Variants in LCOR observed in about 807,000 individuals in gnomAD.
LCOR encodes ligand dependent nuclear receptor corepressor.
Under a neutral mutation model 64.4 loss-of-function variants are expected in LCOR, and 14 were observed. The ratio of observed to expected loss-of-function variants is 0.22; its 90% CI spans 0.14 to 0.34. The LOEUF (loss-of-function observed/expected upper bound fraction) is 0.34, where lower values mean the gene tolerates loss of function less well. Ranked by LOEUF, LCOR falls within the 10% of genes least tolerant of loss-of-function variation. The pLI is 1.00. For synonymous variants in LCOR, 643 were observed against 642.5 expected, an observed-to-expected ratio of 1.00 and a Z score of -0.01; for missense variants, 1,686 against 1,765.3, an observed-to-expected ratio of 0.96 and a Z score of 0.80.
At chr10:96,855,691 C>T (rs1020874714) in intron 2 of LCOR, among the ~76,000 whole-genome samples, 1 of 152,082 alleles carries the variant, frequency 6.6e-6, no homozygotes, top group African/African-American at 2.4e-5. Context: ...CTGCCTCGGC[C>T]TCCCAAAGTG....
intron 7 of LCOR, chr10:96,959,988 T>C (rs1319116925): frequency 6.6e-6 from 1 of 152,202 alleles, no homozygotes; most frequent in East Asian, 1.9e-4. Context: ...CCAATTGGCA[T>C]TTCTTTTCCC....
At chr10:96,980,584 C>T (rs542439893) in intron 7 of LCOR, among the ~76,000 whole-genome samples, 1 of 152,256 alleles carries the variant, frequency 6.6e-6, no homozygotes, top group East Asian at 1.9e-4. Flanking sequence ...AGGTGGCTTA[C>T]ACCTGTAATC....
At chr10:96,980,224 A>C (rs1848072535) in intron 7 of LCOR, among the ~76,000 whole-genome samples, 1 of 152,162 alleles carries the variant, frequency 6.6e-6, no homozygotes, top group Non-Finnish European at 1.5e-5. Flanking sequence ...ACTGTAGTGC[A>C]CCTCAATTCT....
Position 96,956,045 on chromosome 10 carries a change from T to A in LCOR, c.332+3849T>A, listed in dbSNP as rs1847767631. Reference sequence around the variant, plus strand: ...ACTTGCTTCTTTGCAGATTTTGCATTGACTTGTGTGTACAGAGATGAAATG... The same window carrying A: ...ACTTGCTTCTTTGCAGATTTTGCATAGACTTGTGTGTACAGAGATGAAATG... On this transcript the variant is annotated intron_variant, in intron 7 of 7. Transcript: ENST00000421806. The A allele has an allele frequency of 2.0e-6, 3 of 1,473,046 alleles. No individual in the cohort carries two copies. In the East Asian group the frequency reaches 7.3e-5, roughly 36 times the overall value. The allele number at this position is 1,473,046 out of a possible 1,614,324, so 91.2% of individuals were successfully genotyped here.
chr10:96,976,165 T>G (rs1848038909), intron 7 of LCOR, among the ~76,000 whole-genome samples: 1 of 152,194 alleles, frequency 6.6e-6, no homozygotes, highest in South Asian at 2.1e-4. Flanking sequence ...CTGATCCTTT[T>G]TATGAGGAAA....
At chr10:96,844,643 T>A (rs1845596769) in intron 2 of LCOR, among the ~76,000 whole-genome samples, 1 of 152,194 alleles carries the variant, frequency 6.6e-6, no homozygotes, top group Non-Finnish European at 1.5e-5. Flanking sequence ...TAAATGAGTT[T>A]CTGAGCTGAA....
intron 7 of LCOR, among the ~76,000 whole-genome samples, chr10:96,969,356 G>A (rs768131820): frequency 9.2e-5 from 14 of 152,184 alleles, no homozygotes; most frequent in Non-Finnish European, 1.5e-4. Flanking sequence ...TCATGGTACT[G>A]TTTTAGGGGA....
chr10:96,980,900 G>A lies in LCOR; in HGVS notation c.440G>A (p.Arg147His), dbSNP rs1332675175. ...ACTCATCATCAAAAGCAATTCATTCGTGTTCTGAACGACCTGTACACTGAA... is the reference window on the plus strand; with the variant it reads ...ACTCATCATCAAAAGCAATTCATTCATGTTCTGAACGACCTGTACACTGAA... Reference protein sequence around the residue: ...LCTHHQKQFIRVLNDLYTESQ... With the variant: ...LCTHHQKQFIHVLNDLYTESQ... The change falls in exon 8 of 8, where the codon CGT becomes CAT. Residue 147 changes from arginine to histidine, a missense_variant. Arg to His is a conservative substitution (Grantham distance 29). Transcript: ENST00000421806. 1.4e-6 allele frequency: 1 copy of A among 702,838 alleles called. No homozygotes were observed. Among genetic ancestry groups the A allele is most frequent in the Non-Finnish European group, 2.6e-6 (1 of 384,998 alleles). The allele number at this position is 702,838 out of a possible 1,614,324, so 43.5% of individuals were successfully genotyped here. A position where few individuals can be genotyped will look rare whatever the true frequency, so the allele number is the denominator to read the frequency against.
At chr10:96,933,901 A>G (rs1201902962) in intron 4 of LCOR, among the ~76,000 whole-genome samples, 1 of 152,250 alleles carries the variant, frequency 6.6e-6, no homozygotes, top group Non-Finnish European at 1.5e-5. Flanking sequence ...AGTTCATGAA[A>G]TAATTCACTT....
At chr10:96,913,656 C>T (rs1846885379) in intron 4 of LCOR, among the ~76,000 whole-genome samples, 1 of 152,174 alleles carries the variant, frequency 6.6e-6, no homozygotes, top group South Asian at 2.1e-4. Flanking sequence ...TGCAGTGGCT[C>T]ACACCTGTAA....
chr10:96,851,596 A>G (rs957876104), intron 2 of LCOR, among the ~76,000 whole-genome samples: 10 of 152,190 alleles, frequency 6.6e-5, no homozygotes, highest in Non-Finnish European at 1.5e-4. Flanking sequence ...TTGAAGAAAG[A>G]CTTCTAAGAC....
At chr10:96,921,628 A>G (rs1334842667) in intron 4 of LCOR, among the ~76,000 whole-genome samples, 6 of 151,932 alleles carry the variant, frequency 3.9e-5, no homozygotes, top group African/African-American at 1.5e-4. Flanking sequence ...CACCTGGCTA[A>G]TTTTTTTGTA....
intron 1 of LCOR, 186 bp from the exon 2 acceptor site, chr10:96,833,220 G>A: frequency 3.1e-6 from 3 of 982,230 alleles, no homozygotes; most frequent in South Asian, 9.4e-5. Context: ...CCCTCCCGGG[G>A]ATTGGCCGGA....
rs1564645723 is a variant in LCOR at position 96,982,110 on chromosome 10, C to T, written c.1650C>T (p.Ala550=). ...CTAAGCAGACCCTTACAATTCCAGCCCCTAGACATACAGTAGATGTGCAGC... is the reference window on the plus strand; with the variant it reads ...CTAAGCAGACCCTTACAATTCCAGCTCCTAGACATACAGTAGATGTGCAGC... ...FTPKQTLTIP[A]PRHTVDVQLP... is the part of the protein sequence containing the mutation. Residue 550 remains alanine, a synonymous_variant, in exon 8 of 8, where the codon GCC becomes GCT. Transcript: ENST00000421806. The T allele has an allele frequency of 3.1e-6, 5 of 1,614,172 alleles. No individual in the cohort carries two copies. Among genetic ancestry groups the T allele is most frequent in the South Asian group, 1.1e-5 (1 of 91,084 alleles).
At chr10:96,838,363 C>A (rs1057435135) in intron 2 of LCOR, among the ~76,000 whole-genome samples, 4 of 152,140 alleles carry the variant, frequency 2.6e-5, no homozygotes, top group African/African-American at 9.7e-5. Context: ...CTCAAGTGAT[C>A]CTCCTGCCTC....
At chr10:96,906,054 T>C (rs1846721177) in intron 2 of LCOR, among the ~76,000 whole-genome samples, 1 of 152,204 alleles carries the variant, frequency 6.6e-6, no homozygotes, top group Non-Finnish European at 1.5e-5. Flanking sequence ...CAAAAATTGA[T>C]ACATGTGAGG....
intron 6 of LCOR, 102 bp downstream of exon 6, chr10:96,949,397 A>AT (rs1847640181): frequency 1.0e-6 from 1 of 1,003,754 alleles, no homozygotes; most frequent in Non-Finnish European, 1.5e-6. Context: ...CAATAATAGC[A>AT]TAAAAACTAA....
chr10:96,845,689 G>A (rs1039106290), intron 2 of LCOR, among the ~76,000 whole-genome samples: 1 of 150,354 alleles, frequency 6.7e-6, no homozygotes, highest in African/African-American at 2.4e-5. Context: ...GGATGATGTC[G>A]ATCTCCTGAC....
At chr10:96,869,593 T>G (rs944283579) in intron 2 of LCOR, among the ~76,000 whole-genome samples, 1 of 151,444 alleles carries the variant, frequency 6.6e-6, no homozygotes, top group African/African-American at 2.4e-5. Context: ...TTTCTTTTTT[T>G]AGACAGAGTC....
Sources: allele counts gnomAD v4.1 joint callset (sites outside exome capture counted in the v4.1 genomes callset), GRCh38; gene constraint gnomAD v4.1.1; transcripts MANE v1.5; gene names NCBI Gene and HGNC (gene_info 2026-07-23, HGNC 2026-07-21).